Variants in IL1R1 observed in about 807,000 individuals in gnomAD.
The protein encoded by IL1R1 is interleukin 1 receptor type 1, also known as interleukin-1 receptor type 1.
In IL1R1, 22 loss-of-function variants were observed where a neutral mutation model predicts 50.2. That is an observed-to-expected ratio of 0.44 (90% CI 0.31 to 0.63). The LOEUF (loss-of-function observed/expected upper bound fraction) is 0.63. IL1R1 is among the 20% of genes least tolerant of loss of function. The pLI, the probability that IL1R1 is intolerant of heterozygous loss-of-function variation, is 0.07. For missense variants in IL1R1, 509 were observed against 676.2 expected (o/e 0.75, Z 2.74); for synonymous variants, 251 against 236.7 (o/e 1.06, Z -0.55).
At chr2:102,148,125 G>A (rs763275841) in intron 1 of IL1R1, among the ~76,000 whole-genome samples, 15 of 152,190 alleles carry the variant, frequency 9.9e-5, no homozygotes, top group African/African-American at 3.4e-4. Context: ...TGAACACACA[G>A]TTGGGTTTTT....
At chr2:102,095,533 C>G (rs1392548096) in intron 1 of IL1R1, among the ~76,000 whole-genome samples, 4 of 152,152 alleles carry the variant, frequency 2.6e-5, no homozygotes, top group African/African-American at 9.7e-5. Context: ...AACATGCACC[C>G]ATGAACTTGC....
chr2:102,094,723 G>A (rs965376245), intron 1 of IL1R1, among the ~76,000 whole-genome samples: 9 of 152,058 alleles, frequency 5.9e-5, no homozygotes, highest in South Asian at 2.1e-4. Context: ...TTATGTGTGC[G>A]TTACCAGGTT....
intron 7 of IL1R1, 79 bp from the exon 8 acceptor site, chr2:102,171,722 T>C: frequency 1.4e-6 from 1 of 734,616 alleles, no homozygotes; most frequent in South Asian, 2.8e-5. Flanking sequence ...TCTAAAATTT[T>C]AATTCAATAG....
intron 1 of IL1R1, among the ~76,000 whole-genome samples, chr2:102,073,776 G>A (rs1391810430): frequency 2.0e-5 from 3 of 151,888 alleles, no homozygotes; most frequent in Admixed American, 6.6e-5. Flanking sequence ...CACCATTTAC[G>A]GTCAACAAAT....
chr2:102,126,760 T>G (rs951108508), intron 1 of IL1R1, among the ~76,000 whole-genome samples: 1 of 152,170 alleles, frequency 6.6e-6, no homozygotes, highest in Non-Finnish European at 1.5e-5. Flanking sequence ...AGGCACTGTC[T>G]GTAGAGATTC....
intron 1 of IL1R1, among the ~76,000 whole-genome samples, chr2:102,108,591 C>A (rs767916653): frequency 2.0e-5 from 3 of 151,768 alleles, no homozygotes; most frequent in Middle Eastern, 3.4e-3. Flanking sequence ...AAATATTTAC[C>A]CAGTTCTGTG....
At chr2:102,116,059 C>T (rs924284778) in intron 1 of IL1R1, among the ~76,000 whole-genome samples, 3 of 152,214 alleles carry the variant, frequency 2.0e-5, no homozygotes, top group African/African-American at 7.2e-5. Context: ...GTGTTTCTGT[C>T]TCACTGTGTG....
At chr2:102,124,718 G>A (rs1159547159) in intron 1 of IL1R1, among the ~76,000 whole-genome samples, 2 of 152,040 alleles carry the variant, frequency 1.3e-5, no homozygotes, top group Non-Finnish European at 2.9e-5. Flanking sequence ...AGGAGTTTGG[G>A]ACCAGCCTGG....
At chr2:102,117,930 T>C (rs1268308637) in intron 1 of IL1R1, among the ~76,000 whole-genome samples, 1 of 151,090 alleles carries the variant, frequency 6.6e-6, no homozygotes, top group East Asian at 1.9e-4. Flanking sequence ...GAAAAAAATA[T>C]ATAATTTTTC....
At chr2:102,092,234 C>T (rs1679701039) in intron 1 of IL1R1, among the ~76,000 whole-genome samples, 1 of 152,094 alleles carries the variant, frequency 6.6e-6, no homozygotes, top group Non-Finnish European at 1.5e-5. Context: ...AAGTCTTCAG[C>T]TTGCAGCCAA....
intron 1 of IL1R1, among the ~76,000 whole-genome samples, chr2:102,144,607 G>A (rs964718655): frequency 3.9e-5 from 6 of 152,110 alleles, no homozygotes; most frequent in African/African-American, 1.2e-4. Context: ...GTGAGTGGTG[G>A]GGAGACAGCG....
At chr2:102,090,799 C>T (rs983691356) in intron 1 of IL1R1, among the ~76,000 whole-genome samples, 1 of 151,970 alleles carries the variant, frequency 6.6e-6, no homozygotes, top group African/African-American at 2.4e-5. Context: ...ATGTGAGCTG[C>T]TTCCATATTC....
rs184592246 is a variant in IL1R1, at chr2:102,099,234, C to T, written c.-84+28701C>T. ...CAAAATGTGAATAGTGAGAAACTGC[C>T]CTGTTTATAACATTGATTTGTCATG... On this transcript the variant is annotated intron_variant, in intron 1 of 11. Coordinates refer to the IL1R1 transcript ENST00000409929. Among the ~76,000 whole-genome samples, 48 of 152,158 alleles carry T rather than the reference C, an allele frequency of 3.2e-4. 1 individual carries two copies. The highest frequency in any genetic ancestry group is 3.0e-3 in the Admixed American group (46 of 15,284).
chr2:102,078,482 C>T (rs918867638), intron 1 of IL1R1, among the ~76,000 whole-genome samples: 6 of 150,656 alleles, frequency 4.0e-5, no homozygotes, highest in African/African-American at 1.5e-4. Context: ...AAAGACACAA[C>T]TGAAACTGGA....
At chr2:102,163,251 A>G (rs1229597857) in intron 3 of IL1R1, among the ~76,000 whole-genome samples, 1 of 152,138 alleles carries the variant, frequency 6.6e-6, no homozygotes, top group African/African-American at 2.4e-5. Flanking sequence ...CTTGGGGTTC[A>G]TTGTGATATG....
intron 1 of IL1R1, among the ~76,000 whole-genome samples, chr2:102,153,640 A>G (rs1466109263): frequency 6.6e-6 from 1 of 152,018 alleles, no homozygotes; most frequent in South Asian, 2.1e-4. Flanking sequence ...TAGTGAGTGA[A>G]TTCTCATGAG....
chr2:102,145,950 T>C (rs1184775016), intron 1 of IL1R1, among the ~76,000 whole-genome samples: 1 of 151,202 alleles, frequency 6.6e-6, no homozygotes, highest in African/African-American at 2.4e-5. Context: ...CAGCCAGCAG[T>C]GTCTTCAAGA....
intron 1 of IL1R1, among the ~76,000 whole-genome samples, chr2:102,119,505 G>A (rs930598511): frequency 6.6e-6 from 1 of 152,214 alleles, no homozygotes; most frequent in African/African-American, 2.4e-5. Flanking sequence ...CACAGTTTGG[G>A]AAGGATCCCT....
intron 1 of IL1R1, among the ~76,000 whole-genome samples, chr2:102,073,829 T>A (rs1265113567): frequency 2.0e-5 from 3 of 152,108 alleles, no homozygotes; most frequent in Non-Finnish European, 4.4e-5. Context: ...CAACCCTACC[T>A]TATGCAATTA....
Sources: allele counts gnomAD v4.1 joint callset (sites outside exome capture counted in the v4.1 genomes callset), GRCh38; gene constraint gnomAD v4.1.1; transcripts MANE v1.5; gene names NCBI Gene and HGNC (gene_info 2026-07-23, HGNC 2026-07-21).